Variants in PLEKHF2 observed in about 807,000 individuals in gnomAD.
The protein encoded by PLEKHF2 is pleckstrin homology and FYVE domain containing 2.
In PLEKHF2, 4 loss-of-function variants were observed where a neutral mutation model predicts 14.7. The ratio of observed to expected loss-of-function variants is 0.27; its 90% confidence interval spans 0.13 to 0.62. PLEKHF2 has a LOEUF of 0.62. Among genes scored for constraint, PLEKHF2 ranks in the 20% least tolerant of loss-of-function variants. The probability of loss-of-function intolerance (pLI) is 0.85; values close to 1 mark genes in which losing one functional copy is unlikely to be tolerated. For missense variants in PLEKHF2, 201 were observed against 307.7 expected (o/e 0.65, Z 2.60); for synonymous variants, 90 against 103.5 (o/e 0.87, Z 0.79).
intron 1 of PLEKHF2, among the ~76,000 whole-genome samples, chr8:95,143,061 G>A (rs1284270403): frequency 2.0e-5 from 3 of 150,000 alleles, no homozygotes; most frequent in Non-Finnish European, 4.5e-5. Context: ...TTTTTTAGGT[G>A]CTGTTGCAAA....
chr8:95,154,990 GGATAGGCTTTTGCAAATATATCA>G lies in PLEKHF2; in HGVS notation c.*201_*223del, dbSNP rs2132112437. ...TCCCACTCCTCACACTCTTCTACAG[GGATAGGCTTTTGCAAATATATCA>G]GATAAATTTTTTGTTTCTTGTTTAT... is the stretch of plus-strand genomic sequence containing the variant. On this transcript the variant is annotated 3_prime_UTR_variant, in exon 2 of 2. Coordinates refer to ENST00000315367, the MANE Select transcript of PLEKHF2 (RefSeq NM_024613.4). This position sits in a 1 kb window ranked among gnomAD's most constrained non-coding sequence, Gnocchi z 5.6. 1.8e-6 allele frequency: 1 copy of G among 564,310 alleles called. No homozygotes were observed. The highest frequency in any genetic ancestry group is 3.5e-5 in the South Asian group (1 of 28,258). The allele number at this position is 564,310 out of a possible 1,614,324, so 35.0% of individuals were successfully genotyped here.
intron 1 of PLEKHF2, among the ~76,000 whole-genome samples, chr8:95,139,594 A>T (rs1810418587): frequency 6.6e-6 from 1 of 151,900 alleles, no homozygotes; most frequent in African/African-American, 2.4e-5. Flanking sequence ...TAGGTAGTAA[A>T]TTTTTTCTTT....
intron 1 of PLEKHF2, among the ~76,000 whole-genome samples, chr8:95,152,383 T>C (rs1434225722): frequency 2.6e-5 from 4 of 152,124 alleles, no homozygotes; most frequent in African/African-American, 9.7e-5. Flanking sequence ...ACATATTCTC[T>C]GTAGTGTACA....
At chr8:95,144,703 C>T (rs947304452) in intron 1 of PLEKHF2, among the ~76,000 whole-genome samples, 3 of 151,894 alleles carry the variant, frequency 2.0e-5, no homozygotes, top group Admixed American at 2.0e-4. Context: ...CTTGTCTCTA[C>T]TAAAAATACA....
intron 1 of PLEKHF2, among the ~76,000 whole-genome samples, chr8:95,149,659 T>C (rs1344949164): frequency 6.6e-6 from 1 of 152,200 alleles, no homozygotes; most frequent in African/African-American, 2.4e-5. Context: ...GGTAGCAAGA[T>C]TCTTTATTCA....
At chr8:95,144,121 C>T (rs1810466720) in intron 1 of PLEKHF2, among the ~76,000 whole-genome samples, 1 of 151,702 alleles carries the variant, frequency 6.6e-6, no homozygotes. Flanking sequence ...TCCAATGTGA[C>T]CCAGGGAAGC....
In PLEKHF2 at chr8:95,154,446, C is replaced by G; in HGVS notation, c.402C>G (p.Leu134=). The G allele has an allele frequency of 6.2e-7, 1 of 1,614,050 alleles. No individual in the cohort carries two copies. Among genetic ancestry groups the G allele is most frequent in the Non-Finnish European group, 8.5e-7 (1 of 1,179,922 alleles). The stretch of plus-strand genomic sequence containing the variant: ...TAAATAAATGTGTTACTGATTTACT[C>G]TCCAAAAGTGGGAAGACACCCAGTA... ...NHINKCVTDL[L]SKSGKTPSNE... Residue 134 remains leucine (L), a synonymous_variant, in exon 2 of 2, where the codon CTC becomes CTG. Coordinates refer to ENST00000315367, the MANE Select transcript of PLEKHF2 (RefSeq NM_024613.4). This position sits in a 1 kb window ranked among gnomAD's most constrained non-coding sequence, Gnocchi z 5.6.
chr8:95,139,504 C>A (rs1239579467), intron 1 of PLEKHF2, among the ~76,000 whole-genome samples: 1 of 152,150 alleles, frequency 6.6e-6, no homozygotes, highest in Non-Finnish European at 1.5e-5. Context: ...AAGACCCTGT[C>A]CTGTCAATCA....
rs145713575 is a variant in PLEKHF2, at chr8:95,150,463, C to T, written c.-14-3568C>T. Among the ~76,000 whole-genome samples the T allele has an allele frequency of 5.0e-3, 768 of 152,222 alleles. 2 individuals carry two copies. The highest frequency in any genetic ancestry group is 7.6e-3 in the Non-Finnish European group (518 of 67,986). On this transcript the variant is annotated intron_variant, in intron 1 of 1. Transcript: ENST00000315367. The stretch of plus-strand genomic sequence containing the variant: ...ATCATTCATTGTTGAAATAATTATA[C>T]GAGTGTTTGTAACCTTGCAATATAA...
At position 95,154,923 on chromosome 8, in the gene PLEKHF2, G is replaced by A. The variant is rs190776501; in HGVS notation, c.*129G>A. On this transcript the variant is annotated 3_prime_UTR_variant, in exon 2 of 2. Coordinates refer to ENST00000315367, the MANE Select transcript of PLEKHF2 (RefSeq NM_024613.4). The surrounding 1 kb of genome is among the most constrained non-coding windows in gnomAD (Gnocchi z 5.6). Reference sequence around the variant, plus strand: ...TTTGCCTGAGAAACTTGTAACCTATGTGCCTCAATATATTCCATAGAAAGT... The same window carrying A: ...TTTGCCTGAGAAACTTGTAACCTATATGCCTCAATATATTCCATAGAAAGT... 8.8e-7 allele frequency: 1 copy of A among 1,130,564 alleles called. No individual in the cohort carries two copies. Among genetic ancestry groups the A allele is most frequent in the African/African-American group, 1.6e-5 (1 of 63,658 alleles). The allele number at this position is 1,130,564 out of a possible 1,614,324, so 70.0% of individuals were successfully genotyped here.
intron 1 of PLEKHF2, among the ~76,000 whole-genome samples, chr8:95,143,502 A>G (rs1810459433): frequency 6.6e-6 from 1 of 152,216 alleles, no homozygotes. Context: ...AGTGGTGCAA[A>G]TAAAATGGTG....
rs974432465 is a variant in PLEKHF2 at position 95,156,652 on chromosome 8, T to G, written c.*1858T>G. ...ATTTACATTGTCAACCTTTATTGAC[T>G]TTGTTTTTACAATAAAAAATATTTT... On this transcript the variant is annotated 3_prime_UTR_variant, in exon 2 of 2. Transcript: ENST00000315367. The G allele has an allele frequency of 5.4e-5, 9 of 167,066 alleles. No homozygotes were observed. Among genetic ancestry groups the G allele is most frequent in the African/African-American group, 2.2e-4 (9 of 41,466 alleles). The allele number at this position is 167,066 out of a possible 1,614,324, so 10.3% of individuals were successfully genotyped here. A position where few individuals can be genotyped will look rare whatever the true frequency, so the allele number is the denominator to read the frequency against.
At chr8:95,143,812 G>A (rs1810462569) in intron 1 of PLEKHF2, among the ~76,000 whole-genome samples, 1 of 152,194 alleles carries the variant, frequency 6.6e-6, no homozygotes, top group African/African-American at 2.4e-5. Context: ...TTTTAGATTT[G>A]ATTCTGTTGG....
intron 1 of PLEKHF2, among the ~76,000 whole-genome samples, chr8:95,144,190 T>G (rs1158798205): frequency 1.3e-5 from 2 of 152,218 alleles, no homozygotes; most frequent in Non-Finnish European, 2.9e-5. Context: ...GTTTAGAACT[T>G]GAAGTCTATA....
At chr8:95,144,075 T>C (rs1446214119) in intron 1 of PLEKHF2, among the ~76,000 whole-genome samples, 2 of 152,132 alleles carry the variant, frequency 1.3e-5, no homozygotes, top group South Asian at 2.1e-4. Context: ...CTATCATTAA[T>C]GTTAGTGTAT....
chr8:95,147,691 T>C (rs936750948), intron 1 of PLEKHF2, among the ~76,000 whole-genome samples: 7 of 152,044 alleles, frequency 4.6e-5, no homozygotes, highest in African/African-American at 1.7e-4. Context: ...GGAAGAGTGA[T>C]AGAATTGCCA....
intron 1 of PLEKHF2, among the ~76,000 whole-genome samples, chr8:95,151,115 C>G (rs1810557524): frequency 1.3e-5 from 2 of 152,102 alleles, no homozygotes; most frequent in South Asian, 4.1e-4. Flanking sequence ...TTCATCAGCT[C>G]ACAGTTCAGC....
intron 1 of PLEKHF2, among the ~76,000 whole-genome samples, chr8:95,143,565 GC>G (rs1235966219): frequency 1.3e-5 from 2 of 152,190 alleles, no homozygotes; most frequent in Non-Finnish European, 2.9e-5. Context: ...TGGCTGTGAG[GC>G]TATCGAACTG....
At chr8:95,151,519 G>C (rs169864) in intron 1 of PLEKHF2, among the ~76,000 whole-genome samples, 73,738 of 151,394 alleles carry the variant, frequency 0.49, 21,481 homozygotes, top group African/African-American at 0.81. Context: ...TCCTGACCAT[G>C]TAGTCTGAAT....
Sources: allele counts gnomAD v4.1 joint callset (sites outside exome capture counted in the v4.1 genomes callset), GRCh38; gene constraint gnomAD v4.1.1; non-coding constraint Gnocchi (gnomAD v3.1); transcripts MANE v1.5; gene names NCBI Gene and HGNC (gene_info 2026-07-23, HGNC 2026-07-21).